The following MTA3 variants were observed in gnomAD, a reference collection of about 807,000 sequenced individuals.
MTA3 encodes metastasis associated 1 family member 3, also known as metastasis-associated protein MTA3.
MTA3 carries 34 observed loss-of-function variants against 83.5 expected under a neutral mutation model. That is an observed-to-expected ratio of 0.41 (90% confidence interval 0.31 to 0.54). The LOEUF is 0.54. Ranked by LOEUF, MTA3 falls within the 20% of genes least tolerant of loss-of-function variation. MTA3 has a pLI of 0.33. For synonymous variants in MTA3, 303 were observed against 252.7 expected (o/e 1.20, Z -1.89); for missense variants, 761 against 726.4 (o/e 1.05, Z -0.55).
intron 10 of MTA3, among the ~76,000 whole-genome samples, chr2:42,697,062 A>T (rs1160608151): frequency 2.0e-5 from 3 of 152,234 alleles, no homozygotes; most frequent in Non-Finnish European, 4.4e-5. Flanking sequence ...TCATTGGGAA[A>T]ATAGAAGATA....
intron 2 of MTA3, among the ~76,000 whole-genome samples, chr2:42,524,166 A>G (rs1025565946): frequency 6.6e-6 from 1 of 152,110 alleles, no homozygotes; most frequent in Non-Finnish European, 1.5e-5. Context: ...TCCTCAAGCC[A>G]TTGGAGACAC....
chr2:42,536,877 AGG>A (rs3039409), intron 2 of MTA3, among the ~76,000 whole-genome samples: 1 of 150,798 alleles, frequency 6.6e-6, no homozygotes, highest in African/African-American at 2.4e-5. Context: ...AAAAAAAAAA[AGG>A]GAGTATATAG....
intron 11 of MTA3, among the ~76,000 whole-genome samples, chr2:42,698,800 G>A (rs1246299359): frequency 1.3e-5 from 2 of 152,118 alleles, no homozygotes; most frequent in Admixed American, 6.5e-5. Context: ...TTTACCACAA[G>A]ACAGATAACT....
intron 2 of MTA3, among the ~76,000 whole-genome samples, chr2:42,577,497 T>C (rs1417236976): frequency 6.6e-6 from 1 of 151,916 alleles, no homozygotes; most frequent in Non-Finnish European, 1.5e-5. Context: ...TTTTTTTTTT[T>C]TGAGACGGAT....
intron 8 of MTA3, among the ~76,000 whole-genome samples, chr2:42,667,827 A>C (rs1690426973): frequency 6.6e-6 from 1 of 152,084 alleles, no homozygotes; most frequent in Non-Finnish European, 1.5e-5. Flanking sequence ...GTAATAATAC[A>C]TTGTGTGTAT....
intron 2 of MTA3, among the ~76,000 whole-genome samples, chr2:42,505,843 A>G (rs1674606163): frequency 6.8e-6 from 1 of 148,126 alleles, no homozygotes; most frequent in African/African-American, 2.5e-5. Flanking sequence ...ATCTCAGCTC[A>G]CTGCAGCCTC....
At chr2:42,531,779 C>T (rs1467860102) in intron 2 of MTA3, among the ~76,000 whole-genome samples, 11 of 145,134 alleles carry the variant, frequency 7.6e-5, no homozygotes, top group Non-Finnish European at 1.5e-4. Context: ...TTTTTTGAGA[C>T]GGAGTCTCGC....
At chr2:42,725,884 G>C (rs1348938253) in intron 16 of MTA3, among the ~76,000 whole-genome samples, 1 of 152,198 alleles carries the variant, frequency 6.6e-6, no homozygotes, top group East Asian at 1.9e-4. Flanking sequence ...ATGGAGCTGA[G>C]AAACAAGAGT....
intron 11 of MTA3, among the ~76,000 whole-genome samples, chr2:42,700,040 G>A (rs1232909463): frequency 1.3e-5 from 2 of 152,054 alleles, no homozygotes; most frequent in Non-Finnish European, 2.9e-5. Flanking sequence ...CAGGGAGGGG[G>A]AGAGAGATTT....
At chr2:42,543,015 G>T (rs1676590722) in intron 2 of MTA3, among the ~76,000 whole-genome samples, 1 of 152,098 alleles carries the variant, frequency 6.6e-6, no homozygotes, top group Non-Finnish European at 1.5e-5. Context: ...GGGTAGGCAA[G>T]AAGTGTGGAG....
At chr2:42,595,512 G>A (rs1049571744) in intron 3 of MTA3, among the ~76,000 whole-genome samples, 1 of 151,972 alleles carries the variant, frequency 6.6e-6, no homozygotes, top group Admixed American at 6.6e-5. Flanking sequence ...ATTTGTAGGG[G>A]GAAAATAATA....
intron 12 of MTA3, among the ~76,000 whole-genome samples, chr2:42,707,299 A>G (rs1025892405): frequency 6.6e-6 from 1 of 150,936 alleles, no homozygotes; most frequent in Non-Finnish European, 1.5e-5. Context: ...GCTGGAGTGC[A>G]GTGGCGTGAT....
At chr2:42,571,591 T>G (rs1404120270) in intron 2 of MTA3, among the ~76,000 whole-genome samples, 1 of 152,174 alleles carries the variant, frequency 6.6e-6, no homozygotes, top group African/African-American at 2.4e-5. Context: ...TTTTCCCTTT[T>G]TAGTGAATTA....
intron 4 of MTA3, among the ~76,000 whole-genome samples, chr2:42,616,563 CTTCTTCTTCTTTTTTTTTTTTTTT>C (rs1440091879): frequency 1.0e-5 from 1 of 99,562 alleles, no homozygotes; most frequent in Non-Finnish European, 2.0e-5. Flanking sequence ...TTAATCTCTT[CTTCTTCTTCTTTTTTTTTTTTTTT>C]TTTTTTTTTG....
Position 42,755,752 on chromosome 2 carries a change from G to GGCA in MTA3, c.*2353_*2354insGCA, listed in dbSNP as rs1468834073. The stretch of plus-strand genomic sequence containing the variant: ...TCTGGGGCCATGGTGTCCCTGCTGT[G>GGCA]TGTCAGTGGCATGTCACTGTGGTTC... On this transcript the variant is annotated 3_prime_UTR_variant, in exon 17 of 17. Coordinates refer to ENST00000405094, the MANE Select transcript of MTA3 (RefSeq NM_001330442.2). 3.0e-6 allele frequency: 3 copies of GGCA among 985,530 alleles called. No homozygotes were observed. In the African/African-American group the frequency reaches 5.2e-5, roughly 17 times the overall value. 61.0% of individuals were successfully genotyped at this position (985,530 alleles called of 1,614,324 possible). A position where few individuals can be genotyped will look rare whatever the true frequency, so the allele number is the denominator to read the frequency against.
chr2:42,658,931 C>CAAA (rs528285589), intron 7 of MTA3, among the ~76,000 whole-genome samples: 3 of 102,104 alleles, frequency 2.9e-5, no homozygotes, highest in African/African-American at 7.1e-5. Flanking sequence ...TTTAATTAGC[C>CAAA]AAAAAAAAAA....
intron 1 of MTA3, among the ~76,000 whole-genome samples, chr2:42,569,214 T>G (rs184479872): frequency 0.2 from 10,455 of 51,188 alleles, 504 homozygotes; most frequent in Non-Finnish European, 0.26. Context: ...GTGGGGGCGG[T>G]GGGGGCCCAG....
Position 42,506,166 on chromosome 2 carries a change from C to G in MTA3, c.-141+10912C>G, listed in dbSNP as rs1189305465. Among the ~76,000 whole-genome samples the G allele has an allele frequency of 5.3e-5, 8 of 152,144 alleles. No individual in the cohort carries two copies. The South Asian group carries it at 1.7e-3, about 32-fold the overall frequency. On this transcript the variant is annotated intron_variant, in intron 2 of 17. Transcript: ENST00000405592. ...ATTATCCATAATAAAAAAGTAAAGC[C>G]CAGTACGGTGGCTCATGCCTATAAT...
chr2:42,635,388 G>A (rs1485064608), intron 4 of MTA3, among the ~76,000 whole-genome samples: 1 of 152,104 alleles, frequency 6.6e-6, no homozygotes, highest in Admixed American at 6.5e-5. Flanking sequence ...AGCATTTTGG[G>A]AGGCCGAGGC....
Sources: gnomAD v4.1 joint callset for allele counts (sites outside exome capture counted in the v4.1 genomes callset) on GRCh38, gnomAD v4.1.1 for gene constraint, MANE v1.5 for transcripts, NCBI Gene and HGNC (gene_info 2026-07-23, HGNC 2026-07-21) for gene names.